Variants in ADAMTS12 observed in about 807,000 individuals in gnomAD.
ADAMTS12 encodes the protein ADAM metallopeptidase with thrombospondin type 1 motif 12, also known as A disintegrin and metalloproteinase with thrombospondin motifs 12.
In ADAMTS12, 118 loss-of-function variants were observed where a neutral mutation model predicts 167.8. That is an observed-to-expected ratio of 0.70 (90% CI 0.61 to 0.82). The LOEUF (loss-of-function observed/expected upper bound fraction) is 0.82. ADAMTS12 is among the 40% of genes least tolerant of loss of function. ADAMTS12 has a pLI of 0.00. For missense variants in ADAMTS12, 1,916 were observed against 1,998.8 expected (o/e 0.96, Z 0.79); for synonymous variants, 704 against 716.9 (o/e 0.98, Z 0.29).
chr5:33,799,363 T>C (rs1297763474), intron 2 of ADAMTS12, among the ~76,000 whole-genome samples: 1 of 152,224 alleles, frequency 6.6e-6, no homozygotes, highest in Non-Finnish European at 1.5e-5. Flanking sequence ...AGACTCATTC[T>C]ACCTCACCCT....
Position 33,793,727 on chromosome 5 carries a change from C to G in ADAMTS12, c.490-42179G>C, listed in dbSNP as rs1359989116. Among the ~76,000 whole-genome samples the G allele has an allele frequency of 5.9e-5, 9 of 152,154 alleles. No homozygotes were observed. In the East Asian group the frequency reaches 1.3e-3, roughly 23 times the overall value. On this transcript the variant is annotated intron_variant, in intron 2 of 23. Transcript: ENST00000504830. ...GCCGGCAGTCACAGGCCTCACTCAGCTCCCATGCAAACTGAAGGGCCAATC... is the reference window on the plus strand; with the variant it reads ...GCCGGCAGTCACAGGCCTCACTCAGGTCCCATGCAAACTGAAGGGCCAATC...
At chr5:33,788,742 C>A (rs528945091) in intron 2 of ADAMTS12, among the ~76,000 whole-genome samples, 1 of 152,264 alleles carries the variant, frequency 6.6e-6, no homozygotes, top group African/African-American at 2.4e-5. Context: ...CATAAGCAAA[C>A]CTATTACCAA....
intron 2 of ADAMTS12, among the ~76,000 whole-genome samples, chr5:33,858,718 T>G (rs2111680670): frequency 6.6e-6 from 1 of 150,690 alleles, no homozygotes; most frequent in Middle Eastern, 3.5e-3. Flanking sequence ...TGAGACCTGG[T>G]TAAGATGGCC....
intron 2 of ADAMTS12, among the ~76,000 whole-genome samples, chr5:33,802,293 G>C (rs983758587): frequency 3.3e-5 from 5 of 152,172 alleles, no homozygotes; most frequent in Non-Finnish European, 1.5e-5. Context: ...ATCTGAAAGG[G>C]GCTGTGTTGG....
chr5:33,874,036 A>AACAGTAATTAC (rs1393706915), intron 2 of ADAMTS12, among the ~76,000 whole-genome samples: 1 of 152,236 alleles, frequency 6.6e-6, no homozygotes, highest in Non-Finnish European at 1.5e-5. Flanking sequence ...TTTAGATACA[A>AACAGTAATTAC]CATCAAAGGA....
intron 14 of ADAMTS12, among the ~76,000 whole-genome samples, chr5:33,618,565 T>C (rs1053548889): frequency 6.6e-6 from 1 of 152,230 alleles, no homozygotes; most frequent in Non-Finnish European, 1.5e-5. Context: ...GTCTATTTGT[T>C]TTCTGGCACT....
At chr5:33,787,475 G>T (rs1037421918) in intron 2 of ADAMTS12, among the ~76,000 whole-genome samples, 1 of 152,198 alleles carries the variant, frequency 6.6e-6, no homozygotes, top group Non-Finnish European at 1.5e-5. Context: ...TTTCTATGAA[G>T]ACATATTCAT....
chr5:33,800,173 T>G (rs1020242723), intron 2 of ADAMTS12, among the ~76,000 whole-genome samples: 2 of 152,164 alleles, frequency 1.3e-5, no homozygotes, highest in Admixed American at 1.3e-4. Context: ...TTCAATTTGG[T>G]GAATAGCTCA....
intron 3 of ADAMTS12, among the ~76,000 whole-genome samples, chr5:33,688,063 G>A (rs75529314): frequency 0.017 from 2,637 of 152,222 alleles, 70 homozygotes; most frequent in African/African-American, 0.061. Context: ...AGCAACTAAA[G>A]GGCTAGAAAA....
intron 1 of ADAMTS12, among the ~76,000 whole-genome samples, chr5:33,886,044 A>G (rs1329132629): frequency 6.6e-6 from 1 of 152,230 alleles, no homozygotes; most frequent in Non-Finnish European, 1.5e-5. Flanking sequence ...CCAGAAAATA[A>G]CAATTTTTCT....
chr5:33,721,516 C>G (rs996952358), intron 3 of ADAMTS12, among the ~76,000 whole-genome samples: 2 of 152,150 alleles, frequency 1.3e-5, no homozygotes, highest in African/African-American at 4.8e-5. Context: ...TCCATGGTCT[C>G]TCAGTATGGG....
chr5:33,800,993 C>A (rs1746983887), intron 2 of ADAMTS12, among the ~76,000 whole-genome samples: 1 of 152,070 alleles, frequency 6.6e-6, no homozygotes, highest in Non-Finnish European at 1.5e-5. Flanking sequence ...GAGAGGAATG[C>A]AGAAGATTTG....
At chr5:33,554,208 G>T (rs1052263495) in intron 20 of ADAMTS12, among the ~76,000 whole-genome samples, 6 of 152,148 alleles carry the variant, frequency 3.9e-5, no homozygotes, top group African/African-American at 1.4e-4. Context: ...AAAATAGTGT[G>T]GGGGGACATT....
At chr5:33,842,418 C>T (rs1748777483) in intron 2 of ADAMTS12, among the ~76,000 whole-genome samples, 1 of 152,112 alleles carries the variant, frequency 6.6e-6, no homozygotes, top group Admixed American at 6.5e-5. Context: ...GGGATGGCTC[C>T]AGTATAAGAA....
At chr5:33,560,939 G>T (rs968126320) in intron 20 of ADAMTS12, 88 bp downstream of exon 20, 5 of 1,357,934 alleles carry the variant, frequency 3.7e-6, no homozygotes, top group South Asian at 1.4e-5. Context: ...AAAAAAAAAC[G>T]ACTTTAGCAA....
intron 3 of ADAMTS12, among the ~76,000 whole-genome samples, chr5:33,697,628 C>G (rs569925852): frequency 1.3e-5 from 2 of 152,242 alleles, no homozygotes; most frequent in South Asian, 2.1e-4. Flanking sequence ...ACCACAATAC[C>G]AGGCATTATC....
Position 33,891,853 on chromosome 5 carries a change from G to T in ADAMTS12, c.4C>A (p.Pro2Thr). 6.2e-7 allele frequency: 1 copy of T among 1,613,740 alleles called. No homozygotes were observed. The highest frequency in any genetic ancestry group is 8.5e-7 in the Non-Finnish European group (1 of 1,179,892). ...GCAAGCCAGCTCCTCTGGGCACATGGCATGATTCAGATGTTGAGGAGAAGA... is the reference window on the plus strand; with the variant it reads ...GCAAGCCAGCTCCTCTGGGCACATGTCATGATTCAGATGTTGAGGAGAAGA... M[P>T]CAQRSWLANL... Residue 2 changes from proline (P) to threonine (T), a missense_variant, in exon 1 of 24, where the codon CCA (proline) becomes ACA (threonine). Coordinates refer to ENST00000504830, the MANE Select transcript of ADAMTS12 (RefSeq NM_030955.4).
intron 16 of ADAMTS12, among the ~76,000 whole-genome samples, chr5:33,613,924 G>C (rs1579747774): frequency 1.3e-5 from 2 of 152,188 alleles, no homozygotes; most frequent in South Asian, 4.2e-4. Flanking sequence ...GTGGTCTTCA[G>C]GTTCTCAACC....
intron 5 of ADAMTS12, among the ~76,000 whole-genome samples, chr5:33,678,410 G>T (rs28645462): frequency 0.64 from 97,843 of 152,092 alleles, 31,912 homozygotes; most frequent in African/African-American, 0.75. Context: ...TTGAGGAAAC[G>T]GTATCGATTA....
Sources: gnomAD v4.1 joint callset for allele counts (sites outside exome capture counted in the v4.1 genomes callset) on GRCh38, gnomAD v4.1.1 for gene constraint, MANE v1.5 for transcripts, NCBI Gene and HGNC (gene_info 2026-07-23, HGNC 2026-07-21) for gene names.